The following VPS13B variants were observed in gnomAD, a reference collection of about 807,000 sequenced individuals.
VPS13B encodes the protein intermembrane lipid transfer protein VPS13B.
VPS13B carries 285 observed loss-of-function variants against 426.4 expected under a neutral mutation model. The ratio of observed to expected loss-of-function variants is 0.67; its 90% confidence interval spans 0.61 to 0.74. The LOEUF (loss-of-function observed/expected upper bound fraction) is 0.74, where lower values mean the gene tolerates loss of function less well. VPS13B is among the 30% of genes least tolerant of loss of function. The pLI, the probability that VPS13B is intolerant of heterozygous loss-of-function variation, is 0.00. For missense variants in VPS13B, 4,537 were observed against 4,782.6 expected, an observed-to-expected ratio of 0.95 and a Z score of 1.51; for synonymous variants, 1,676 against 1,676.4, an observed-to-expected ratio of 1.00 and a Z score of 0.01.
At chr8:99,475,222 G>C (rs78061128) in intron 24 of VPS13B, among the ~76,000 whole-genome samples, 3,074 of 152,160 alleles carry the variant, frequency 0.02, 113 homozygotes, top group African/African-American at 0.07. Flanking sequence ...ATAAAGAGGG[G>C]GTGATAGGAA....
At chr8:99,531,121 C>G (rs937037210) in intron 30 of VPS13B, among the ~76,000 whole-genome samples, 14 of 152,148 alleles carry the variant, frequency 9.2e-5, no homozygotes, top group Non-Finnish European at 2.1e-4. Flanking sequence ...CTAGGATGGA[C>G]TTAATATTAT....
At chr8:99,625,135 G>A (rs549657743) in intron 33 of VPS13B, among the ~76,000 whole-genome samples, 2 of 152,232 alleles carry the variant, frequency 1.3e-5, no homozygotes, top group South Asian at 2.1e-4. Context: ...AGGCTGGGAG[G>A]AAGTTAGATA....
At chr8:99,535,592 T>G (rs1250244495) in intron 30 of VPS13B, among the ~76,000 whole-genome samples, 1 of 152,158 alleles carries the variant, frequency 6.6e-6, no homozygotes, top group East Asian at 1.9e-4. Context: ...ATAGCTAATT[T>G]TTTTCTTTTT....
intron 54 of VPS13B, among the ~76,000 whole-genome samples, chr8:99,846,768 A>C (rs1471240071): frequency 1.3e-5 from 2 of 152,188 alleles, no homozygotes; most frequent in Non-Finnish European, 2.9e-5. Context: ...CCATCACCTT[A>C]CCTTAGGTTT....
chr8:99,125,708 G>T (rs527711907), intron 8 of VPS13B, among the ~76,000 whole-genome samples: 1 of 152,068 alleles, frequency 6.6e-6, no homozygotes, highest in Non-Finnish European at 1.5e-5. Context: ...ATATAGTGGG[G>T]ATAATTATGT....
intron 21 of VPS13B, among the ~76,000 whole-genome samples, chr8:99,425,861 A>T (rs1816671026): frequency 6.6e-6 from 1 of 152,162 alleles, no homozygotes; most frequent in Non-Finnish European, 1.5e-5. Flanking sequence ...AAGTCTCAGG[A>T]TACAAAATAA....
chr8:99,110,158 CT>C (rs971758978), intron 5 of VPS13B, among the ~76,000 whole-genome samples: 5 of 151,910 alleles, frequency 3.3e-5, no homozygotes, highest in Non-Finnish European at 7.4e-5. Context: ...TTTTTAAAAA[CT>C]TATAAAATAA....
At chr8:99,313,184 C>T (rs1821110196) in intron 19 of VPS13B, among the ~76,000 whole-genome samples, 1 of 152,226 alleles carries the variant, frequency 6.6e-6, no homozygotes, top group Non-Finnish European at 1.5e-5. Context: ...AGTCGTTCTC[C>T]ATCCAGCTTT....
At chr8:99,092,235 C>T (rs1313026529) in intron 3 of VPS13B, 1 of 152,138 alleles carries the variant, frequency 6.6e-6, no homozygotes, top group Non-Finnish European at 1.5e-5. Context: ...GACATTCTTG[C>T]TTGTTTCATG....
chr8:99,710,166 T>G (rs1832653029), intron 36 of VPS13B, among the ~76,000 whole-genome samples: 1 of 152,204 alleles, frequency 6.6e-6, no homozygotes, highest in Non-Finnish European at 1.5e-5. Context: ...CAAATGCCTG[T>G]GTACTCATGA....
chr8:99,864,881 T>A (rs1259834881), intron 58 of VPS13B, among the ~76,000 whole-genome samples: 1 of 152,030 alleles, frequency 6.6e-6, no homozygotes, highest in African/African-American at 2.4e-5. Flanking sequence ...CTGGAAACAA[T>A]CAGGATGTGG....
chr8:99,290,670 GA>G (rs997486212), intron 19 of VPS13B, among the ~76,000 whole-genome samples: 5 of 148,872 alleles, frequency 3.4e-5, no homozygotes, highest in East Asian at 2.0e-4. Context: ...AAAAAAAAAA[GA>G]AAAAAAAGGT....
chr8:99,121,558 T>C (rs1847934092), intron 8 of VPS13B, 113 bp downstream of exon 8: 3 of 1,533,736 alleles, frequency 2.0e-6, no homozygotes, highest in Admixed American at 4.0e-5. Context: ...AGATGTGAGA[T>C]AGAGTCTAAC....
intron 22 of VPS13B, 145 bp downstream of exon 22, chr8:99,431,809 G>A: frequency 1.2e-6 from 1 of 841,346 alleles, no homozygotes; most frequent in Non-Finnish European, 1.8e-6. Context: ...AATAATTGGT[G>A]TACTTCACTT....
At chr8:99,568,904 C>T (rs562991361) in intron 31 of VPS13B, among the ~76,000 whole-genome samples, 21 of 151,562 alleles carry the variant, frequency 1.4e-4, no homozygotes, top group Non-Finnish European at 2.1e-4. Flanking sequence ...CTCTGTCTCC[C>T]GGGTTCACGC....
intron 43 of VPS13B, among the ~76,000 whole-genome samples, chr8:99,785,667 G>A (rs898632954): frequency 3.9e-5 from 6 of 152,098 alleles, no homozygotes; most frequent in African/African-American, 1.4e-4. Flanking sequence ...CATAAAGGAT[G>A]TTTTATTTGT....
chr8:99,255,890 C>T (rs1413570517), intron 17 of VPS13B, among the ~76,000 whole-genome samples: 3 of 152,114 alleles, frequency 2.0e-5, no homozygotes, highest in Non-Finnish European at 4.4e-5. Context: ...AAGTCTAGGC[C>T]TTCTCTTTAG....
intron 42 of VPS13B, among the ~76,000 whole-genome samples, chr8:99,781,643 C>A (rs933918904): frequency 2.6e-5 from 4 of 152,064 alleles, no homozygotes; most frequent in African/African-American, 9.7e-5. Flanking sequence ...ATGTAAACAA[C>A]CCCCTTGTGT....
At chr8:99,728,965 G>C (rs1175243119) in intron 39 of VPS13B, among the ~76,000 whole-genome samples, 1 of 152,046 alleles carries the variant, frequency 6.6e-6, no homozygotes, top group African/African-American at 2.4e-5. Flanking sequence ...CCTTTCAACA[G>C]ACTTTTTTTT....
Sources: gnomAD v4.1 joint callset for allele counts (sites outside exome capture counted in the v4.1 genomes callset) on GRCh38, gnomAD v4.1.1 for gene constraint, MANE v1.5 for transcripts, NCBI Gene and HGNC (gene_info 2026-07-23, HGNC 2026-07-21) for gene names.